KLHL2: variants seen among roughly 807,000 people sequenced by gnomAD.
The protein encoded by KLHL2 is kelch like family member 2.
Under a neutral mutation model 75.8 loss-of-function variants are expected in KLHL2, and 15 were observed. The observed-to-expected ratio is 0.20, with a 90% CI of 0.13 to 0.30. The LOEUF (loss-of-function observed/expected upper bound fraction) is 0.30. Among genes scored for constraint, KLHL2 ranks in the 10% least tolerant of loss-of-function variants. KLHL2 has a pLI of 1.00. For missense variants in KLHL2, 381 were observed against 741.0 expected, an observed-to-expected ratio of 0.51 and a Z score of 5.64; for synonymous variants, 214 against 251.9, an observed-to-expected ratio of 0.85 and a Z score of 1.42.
At chr4:165,261,169 G>A (rs369944856) in intron 4 of KLHL2, among the ~76,000 whole-genome samples, 1 of 152,062 alleles carries the variant, frequency 6.6e-6, no homozygotes, top group Non-Finnish European at 1.5e-5. Flanking sequence ...ATCTTGGAAC[G>A]CACTTTATGT....
intron 1 of KLHL2, among the ~76,000 whole-genome samples, chr4:165,211,982 T>C (rs1338418285): frequency 2.6e-5 from 4 of 152,228 alleles, no homozygotes; most frequent in Non-Finnish European, 5.9e-5. Flanking sequence ...GTAGTGCTTA[T>C]GAAGACCACT....
At chr4:165,266,213 G>A (rs1742228698) in intron 5 of KLHL2, among the ~76,000 whole-genome samples, 2 of 152,106 alleles carry the variant, frequency 1.3e-5, no homozygotes, top group African/African-American at 4.8e-5. Context: ...GTAGAGTCTG[G>A]ATATTAGCCC....
chr4:165,316,166 A>G (rs1746573974), intron 13 of KLHL2, among the ~76,000 whole-genome samples: 1 of 152,192 alleles, frequency 6.6e-6, no homozygotes, highest in African/African-American at 2.4e-5. Flanking sequence ...TGTATAGCTA[A>G]GATATTCAAA....
chr4:165,208,262 C>G (rs539410946), intron 1 of KLHL2, among the ~76,000 whole-genome samples: 49 of 152,188 alleles, frequency 3.2e-4, no homozygotes, highest in East Asian at 2.1e-3. Context: ...AGAGATCAGG[C>G]TAGGATGCAC....
At chr4:165,311,666 TATC>T (rs1304591137) in intron 11 of KLHL2, 101 bp downstream of exon 11, 17 of 767,476 alleles carry the variant, frequency 2.2e-5, no homozygotes, top group Middle Eastern at 2.4e-4. Flanking sequence ...GCAAGCTAAT[TATC>T]ATTTTAAAAA....
chr4:165,292,241 A>T (rs1744572199), intron 5 of KLHL2, among the ~76,000 whole-genome samples: 3 of 152,170 alleles, frequency 2.0e-5, no homozygotes, highest in Non-Finnish European at 4.4e-5. Flanking sequence ...GTTTTAAACA[A>T]TTGTGTGTCA....
intron 5 of KLHL2, among the ~76,000 whole-genome samples, chr4:165,289,233 C>T (rs1205304583): frequency 6.6e-6 from 1 of 152,116 alleles, no homozygotes; most frequent in Non-Finnish European, 1.5e-5. Context: ...CTAAAGTAAA[C>T]TAATTTACTC....
chr4:165,269,719 G>T (rs6847718), intron 5 of KLHL2, among the ~76,000 whole-genome samples: 12,326 of 151,270 alleles, frequency 0.081, 565 homozygotes, highest in Middle Eastern at 0.14. Flanking sequence ...TGGGTAACCC[G>T]ACCTTTCTCT....
rs1740083260 is a variant in KLHL2, at chr4:165,244,476, T to C, written c.381+5577T>C. Among the ~76,000 whole-genome samples the C allele has an allele frequency of 2.6e-5, 4 of 152,344 alleles. No individual in the cohort carries two copies. The South Asian group carries it at 8.3e-4, about 32-fold the overall frequency. On this transcript the variant is annotated intron_variant, in intron 4 of 14. Transcript: ENST00000226725. ...ATTTTGGTGAAGAGTGCTTTTGCTT[T>C]GTGTATTTCTATATTGTGTGGGTAA...
chr4:165,297,355 G>T (rs1224618625), intron 6 of KLHL2, among the ~76,000 whole-genome samples: 2 of 151,732 alleles, frequency 1.3e-5, no homozygotes, highest in Non-Finnish European at 2.9e-5. Context: ...TGTTTATAAG[G>T]ATACATGATT....
chr4:165,223,328 G>A (rs1461046690), intron 2 of KLHL2, among the ~76,000 whole-genome samples: 2 of 152,206 alleles, frequency 1.3e-5, no homozygotes, highest in Non-Finnish European at 2.9e-5. Context: ...AGGAGGATGA[G>A]GCAGTGAAAA....
Position 165,304,091 on chromosome 4 carries a change from C to T in KLHL2, c.922-1517C>T, listed in dbSNP as rs114312339. Among the ~76,000 whole-genome samples the T allele has an allele frequency of 9.6e-3, 1,456 of 151,580 alleles. 22 individuals carry two copies. Among genetic ancestry groups the T allele is most frequent in the African/African-American group, 0.031 (1,298 of 41,270 alleles). On this transcript the variant is annotated intron_variant, in intron 8 of 14. Transcript: ENST00000226725. ...TGGAGAAAGGGGACTTGCTGTTAACCAGGCTGGTCTTGAACTCCTGAGCTC... is the reference window on the plus strand; with the variant it reads ...TGGAGAAAGGGGACTTGCTGTTAACTAGGCTGGTCTTGAACTCCTGAGCTC...
intron 5 of KLHL2, among the ~76,000 whole-genome samples, chr4:165,281,171 T>C (rs1743640078): frequency 6.6e-6 from 1 of 152,090 alleles, no homozygotes; most frequent in African/African-American, 2.4e-5. Flanking sequence ...TGCTTGGTGT[T>C]TAGAAATCAA....
intron 5 of KLHL2, chr4:165,278,645 T>C: frequency 6.3e-7 from 1 of 1,595,628 alleles, no homozygotes; most frequent in Admixed American, 1.7e-5. Context: ...TCCAAGATTG[T>C]CTCTTAGCCA....
intron 1 of KLHL2, among the ~76,000 whole-genome samples, chr4:165,212,917 A>G (rs1228570889): frequency 6.6e-6 from 1 of 152,184 alleles, no homozygotes; most frequent in Non-Finnish European, 1.5e-5. Flanking sequence ...TCGGGGCTCT[A>G]GGTCTGTGCT....
At chr4:165,243,089 A>G (rs758515448) in intron 4 of KLHL2, among the ~76,000 whole-genome samples, 9 of 150,750 alleles carry the variant, frequency 6.0e-5, no homozygotes, top group Non-Finnish European at 1.2e-4. Flanking sequence ...TCAAAAATGT[A>G]AATGTCTTTA....
intron 1 of KLHL2, chr4:165,210,137 T>C (rs756709231): frequency 4.5e-6 from 7 of 1,551,704 alleles, no homozygotes; most frequent in Middle Eastern, 1.7e-4. Context: ...GGACTTAAAG[T>C]GCCTTATGGT....
intron 5 of KLHL2, among the ~76,000 whole-genome samples, chr4:165,288,830 CTTT>C (rs767765515): frequency 2.5e-5 from 3 of 122,396 alleles, no homozygotes; most frequent in Non-Finnish European, 1.8e-5. Context: ...AGGGTTGTTG[CTTT>C]TTTTTTTTTT....
At chr4:165,298,953 C>A (rs1237913435) in intron 7 of KLHL2, among the ~76,000 whole-genome samples, 6 of 143,260 alleles carry the variant, frequency 4.2e-5, no homozygotes, top group South Asian at 2.4e-4. Context: ...CCCCTCCCCC[C>A]CCAGAAAAAA....
Sources: gnomAD v4.1 joint callset for allele counts (sites outside exome capture counted in the v4.1 genomes callset) on GRCh38, gnomAD v4.1.1 for gene constraint, MANE v1.5 for transcripts, NCBI Gene and HGNC (gene_info 2026-07-23, HGNC 2026-07-21) for gene names.